The following ZNF529 variants were observed in gnomAD, a reference collection of about 807,000 sequenced individuals.
ZNF529 encodes zinc finger protein 529.
In ZNF529, 11 loss-of-function variants were observed where a neutral mutation model predicts 10.1. That is an observed-to-expected ratio of 1.09 (90% CI 0.69 to 1.81). The LOEUF (loss-of-function observed/expected upper bound fraction) is 1.81, where lower values mean the gene tolerates loss of function less well. ZNF529 is among the 40% of genes most tolerant of loss of function. ZNF529 has a pLI of 0.00. For missense variants in ZNF529, 624 were observed against 666.8 expected (o/e 0.94, Z 0.71); for synonymous variants, 204 against 215.7 (o/e 0.95, Z 0.47).
chr19:36,583,485 T>G (rs868056352), intron 2 of ZNF529, among the ~76,000 whole-genome samples: 1 of 150,834 alleles, frequency 6.6e-6, no homozygotes, highest in Non-Finnish European at 1.5e-5. Context: ...CCAGGGCACA[T>G]GAAAAACCCT....
chr19:36,572,689 G>A (rs1277996791), intron 1 of ZNF529, among the ~76,000 whole-genome samples: 1 of 151,592 alleles, frequency 6.6e-6, no homozygotes, highest in Non-Finnish European at 1.5e-5. Context: ...TCCCCTTCAC[G>A]TCTTCCCAGG....
At chr19:36,569,369 A>T (rs1385403681) in intron 2 of ZNF529, among the ~76,000 whole-genome samples, 1 of 152,224 alleles carries the variant, frequency 6.6e-6, no homozygotes, top group African/African-American at 2.4e-5. Flanking sequence ...AACTGTCTTA[A>T]ATATGCTCAT....
intron 1 of ZNF529, among the ~76,000 whole-genome samples, chr19:36,596,691 A>T (rs1311593134): frequency 6.7e-6 from 1 of 150,068 alleles, no homozygotes; most frequent in Non-Finnish European, 1.5e-5. Flanking sequence ...TAATTTTTTT[A>T]AATTTTTAGT....
chr19:36,559,723 A>G (rs2035610916), intron 2 of ZNF529, among the ~76,000 whole-genome samples: 1 of 152,192 alleles, frequency 6.6e-6, no homozygotes, highest in Non-Finnish European at 1.5e-5. Context: ...GTGTGTTTGT[A>G]TGTGTGTGTA....
chr19:36,586,109 C>G (rs771308143), intron 2 of ZNF529, among the ~76,000 whole-genome samples: 35 of 152,170 alleles, frequency 2.3e-4, no homozygotes, highest in Non-Finnish European at 4.4e-4. Flanking sequence ...TACATTTTAA[C>G]TTCAGAAATT....
At chr19:36,596,725 G>A (rs1352955614) in intron 1 of ZNF529, among the ~76,000 whole-genome samples, 1 of 151,728 alleles carries the variant, frequency 6.6e-6, no homozygotes, top group Non-Finnish European at 1.5e-5. Flanking sequence ...TCACCATGTT[G>A]GCCATGCTGG....
chr19:36,568,972 A>G (rs1295253161), intron 2 of ZNF529, among the ~76,000 whole-genome samples: 3 of 152,232 alleles, frequency 2.0e-5, no homozygotes, highest in African/African-American at 7.2e-5. Context: ...ACTTGGAGCA[A>G]ACGATTACAG....
chr19:36,548,775 C>T (rs113962629), intron 4 of ZNF529, among the ~76,000 whole-genome samples: 14 of 152,282 alleles, frequency 9.2e-5, no homozygotes, highest in African/African-American at 3.4e-4. Flanking sequence ...AATCCTAGCA[C>T]TCTGGGAGGG....
chr19:36,589,376 A>C (rs2036654295), intron 2 of ZNF529, among the ~76,000 whole-genome samples: 1 of 152,306 alleles, frequency 6.6e-6, no homozygotes, highest in African/African-American at 2.4e-5. Context: ...GAGGATACGC[A>C]GTTAGTGTCT....
intron 1 of ZNF529, among the ~76,000 whole-genome samples, chr19:36,601,725 C>A (rs1287789860): frequency 1.3e-5 from 2 of 151,808 alleles, no homozygotes; most frequent in Non-Finnish European, 2.9e-5. Context: ...AACTATAGAA[C>A]AGAAAGATAT....
chr19:36,562,533 T>C (rs1449833290), intron 2 of ZNF529, among the ~76,000 whole-genome samples: 1 of 152,064 alleles, frequency 6.6e-6, no homozygotes, highest in African/African-American at 2.4e-5. Context: ...GCCAATGTGA[T>C]AGTATTAGAA....
rs781216608 is a variant in ZNF529, at chr19:36,548,235, C to A, written c.323G>T (p.Ser108Ile). 8 of 1,613,678 alleles carry A rather than the reference C, an allele frequency of 5.0e-6. No individual in the cohort carries two copies. In the South Asian group the frequency reaches 8.8e-5, roughly 18 times the overall value. The change falls in exon 5 of 5, where the codon AGT becomes ATT. Residue 108 changes from serine to isoleucine, a missense_variant. Physicochemically the swap from Ser to Ile is moderately radical, Grantham distance 142. Transcript: ENST00000591340. ...NTGSQWEVME[S>I]SKLCGLEGSI... is the part of the protein sequence containing the mutation. The stretch of plus-strand genomic sequence containing the variant: ...ACCTTCAAGGCCACATAACTTGCTA[C>A]TTTCCATTACCTCCCACTGAGAACC...
At chr19:36,583,213 A>G (rs967797503) in intron 2 of ZNF529, among the ~76,000 whole-genome samples, 3 of 151,862 alleles carry the variant, frequency 2.0e-5, no homozygotes, top group Non-Finnish European at 2.9e-5. Context: ...GGGCACCACT[A>G]TGGCCAGCTA....
chr19:36,568,781 A>G (rs2035991817), intron 2 of ZNF529, among the ~76,000 whole-genome samples: 1 of 152,146 alleles, frequency 6.6e-6, no homozygotes, highest in Non-Finnish European at 1.5e-5. Flanking sequence ...GAGTTTCAAC[A>G]TGTAAAAGGC....
In ZNF529 at chr19:36,544,559, G is replaced by A. The variant is rs1185514124; in HGVS notation, c.*2307C>T. On this transcript the variant is annotated 3_prime_UTR_variant, in exon 5 of 5. Coordinates refer to ENST00000591340, the MANE Select transcript of ZNF529 (RefSeq NM_020951.5). ...ACTGATGGTAACTCAGGATAAAAAG[G>A]GAGAATGAGATCCAAGAGTAAATTA... 6.6e-6 allele frequency: 1 copy of A among 152,096 alleles called. No individual in the cohort carries two copies. The highest frequency in any genetic ancestry group is 1.5e-5 in the Non-Finnish European group (1 of 68,024). The allele number at this position is 152,096 out of a possible 1,614,324, so 9.4% of individuals were successfully genotyped here. A position where few individuals can be genotyped will look rare whatever the true frequency, so the allele number is the denominator to read the frequency against.
intron 2 of ZNF529, among the ~76,000 whole-genome samples, chr19:36,589,081 C>T (rs560874025): frequency 1.4e-4 from 22 of 152,070 alleles, no homozygotes; most frequent in Non-Finnish European, 2.1e-4. Flanking sequence ...GTAGCTAGGA[C>T]TACACAGGCT....
rs2035030051 is a variant in ZNF529 at position 36,546,580 on chromosome 19, A to ATT, written c.*285_*286insAA. On this transcript the variant is annotated 3_prime_UTR_variant, in exon 5 of 5. Coordinates refer to ENST00000591340, the MANE Select transcript of ZNF529 (RefSeq NM_020951.5). The stretch of plus-strand genomic sequence containing the variant: ...AAAAAACTGAATAGTCAAAAGAGCA[A>ATT]TAATACAAACATCAAAAGCTATTGT... 1 of 305,952 alleles carries ATT rather than the reference A, an allele frequency of 3.3e-6. No individual in the cohort carries two copies. The allele number at this position is 305,952 out of a possible 1,614,324, so 19.0% of individuals were successfully genotyped here.
Position 36,547,947 on chromosome 19 carries a change from C to T in ZNF529, c.611G>A (p.Cys204Tyr), listed in dbSNP as rs774065454. Reference sequence around the variant, plus strand: ...GTTATCTATCCCAAAGGTTTTCCAACATTGATTACATTCATAGTTTTTTCC... The same window carrying T: ...GTTATCTATCCCAAAGGTTTTCCAATATTGATTACATTCATAGTTTTTTCC... ...TGGKNYECNQ[C>Y]WKTFGIDNSS... The change falls in exon 5 of 5, where the codon TGT becomes TAT. Residue 204 changes from cysteine to tyrosine, a missense_variant. Coordinates refer to ENST00000591340, the MANE Select transcript of ZNF529 (RefSeq NM_020951.5). 6.2e-7 allele frequency: 1 copy of T among 1,612,394 alleles called. No individual in the cohort carries two copies. Among genetic ancestry groups the T allele is most frequent in the South Asian group, 1.1e-5 (1 of 90,696 alleles).
intron 2 of ZNF529, among the ~76,000 whole-genome samples, chr19:36,569,874 C>G (rs1179495653): frequency 2.6e-5 from 4 of 152,214 alleles, no homozygotes; most frequent in Non-Finnish European, 5.9e-5. Context: ...GAGATAATCT[C>G]TGAGCAGTTA....
Sources: allele counts gnomAD v4.1 joint callset (sites outside exome capture counted in the v4.1 genomes callset), GRCh38; gene constraint gnomAD v4.1.1; transcripts MANE v1.5; gene names NCBI Gene and HGNC (gene_info 2026-07-23, HGNC 2026-07-21).